Variants in LGSN observed in about 807,000 individuals in gnomAD.
The protein encoded by LGSN is lengsin.
LGSN carries 21 observed loss-of-function variants against 19.5 expected under a neutral mutation model. The ratio of observed to expected loss-of-function variants is 1.07; its 90% CI spans 0.76 to 1.55. The LOEUF is 1.55. Ranked by LOEUF, LGSN falls within the 40% of genes most tolerant of loss-of-function variation. LGSN has a pLI of 0.00. For synonymous variants in LGSN, 257 were observed against 215.6 expected, an observed-to-expected ratio of 1.19 and a Z score of -1.68; for missense variants, 673 against 608.5, an observed-to-expected ratio of 1.11 and a Z score of -1.12.
At chr6:63,429,960 C>A in the LGSN span, among the ~76,000 whole-genome samples, 13 of 152,168 alleles carry the variant, frequency 8.5e-5, no homozygotes, top group Non-Finnish European at 1.9e-4. Context: ...GGGAACTGTT[C>A]ATCCATACCT....
the LGSN span, among the ~76,000 whole-genome samples, chr6:63,497,935 T>TTTTTTTTTTTA: frequency 1.3e-5 from 2 of 150,014 alleles, no homozygotes; most frequent in African/African-American, 2.5e-5. Context: ...TTTTTTTTCT[T>TTTTTTTTTTTA]GAGACAGAGT....
At chr6:63,423,343 C>CA in the LGSN span, among the ~76,000 whole-genome samples, 3 of 151,654 alleles carry the variant, frequency 2.0e-5, no homozygotes, top group South Asian at 6.2e-4. Context: ...GACCATGTCT[C>CA]AAAAAAATAA....
the LGSN span, among the ~76,000 whole-genome samples, chr6:63,427,915 A>T: frequency 1.9e-4 from 8 of 41,460 alleles, no homozygotes; most frequent in East Asian, 1.7e-3. Flanking sequence ...TATTGATTTA[A>T]AAAAAAATCT....
At chr6:63,420,100 G>A in the LGSN span, among the ~76,000 whole-genome samples, 1 of 151,434 alleles carries the variant, frequency 6.6e-6, no homozygotes, top group African/African-American at 2.4e-5. Context: ...CTACTCTGGA[G>A]GCTGAGGCAG....
chr6:63,443,036 C>A, the LGSN span, among the ~76,000 whole-genome samples: 1 of 152,184 alleles, frequency 6.6e-6, no homozygotes. Context: ...CATGTGGGAG[C>A]CCACCGCGTG....
At chr6:63,406,575 G>A in the LGSN span, among the ~76,000 whole-genome samples, 1 of 150,102 alleles carries the variant, frequency 6.7e-6, no homozygotes, top group South Asian at 2.1e-4. Flanking sequence ...AGAGAAAGCA[G>A]GAAAGATCCA....
At chr6:63,543,815 C>T in the LGSN span, among the ~76,000 whole-genome samples, 3 of 152,216 alleles carry the variant, frequency 2.0e-5, no homozygotes, top group African/African-American at 7.2e-5. Context: ...TTCTACCCAG[C>T]TCACAGTGTA....
At chr6:63,293,649 C>T (rs1241012939) in intron 2 of LGSN, 1 of 437,970 alleles carries the variant, frequency 2.3e-6, no homozygotes, top group Non-Finnish European at 4.6e-6. Flanking sequence ...TTCCAGAATC[C>T]TTACCAGTAA....
the LGSN span, among the ~76,000 whole-genome samples, chr6:63,468,061 C>T: frequency 6.6e-6 from 1 of 152,172 alleles, no homozygotes; most frequent in Non-Finnish European, 1.5e-5. Context: ...GAATTCAATA[C>T]ATGACTTTTT....
In LGSN at chr6:63,312,845, A is replaced by G. The variant is rs182475368; in HGVS notation, c.30+7069T>C. 1.1e-3 allele frequency among the ~76,000 whole-genome samples: 169 copies of G among 152,274 alleles called. 2 individuals carry two copies. Among genetic ancestry groups the G allele is most frequent in the African/African-American group, 3.7e-3 (155 of 41,572 alleles). ...GCTTGGTAACTAGCTGGATATAGGA[A>G]GTGTCAGAGACAGAGGAATGAAAAA... On this transcript the variant is annotated intron_variant, in intron 1 of 3. Transcript: ENST00000370657.
At chr6:63,404,261 A>T in the LGSN span, among the ~76,000 whole-genome samples, 2 of 152,214 alleles carry the variant, frequency 1.3e-5, no homozygotes, top group Non-Finnish European at 2.9e-5. Context: ...TGTACAACTT[A>T]AAATACAATC....
chr6:63,430,281 C>A, the LGSN span, among the ~76,000 whole-genome samples: 1 of 152,172 alleles, frequency 6.6e-6, no homozygotes, highest in African/African-American at 2.4e-5. Flanking sequence ...AACATTCCAT[C>A]TCTTGCTTTG....
chr6:63,484,196 TA>T, the LGSN span, among the ~76,000 whole-genome samples: 1 of 151,540 alleles, frequency 6.6e-6, no homozygotes, highest in Admixed American at 6.6e-5. Context: ...CAATCCATCC[TA>T]AAATAAATAG....
chr6:63,570,059 C>T, the LGSN span, among the ~76,000 whole-genome samples: 1 of 152,222 alleles, frequency 6.6e-6, no homozygotes, highest in Admixed American at 6.5e-5. Context: ...GTCAGCAAGA[C>T]CACACTTATA....
chr6:63,453,805 C>T, the LGSN span, among the ~76,000 whole-genome samples: 5 of 152,122 alleles, frequency 3.3e-5, no homozygotes, highest in East Asian at 1.9e-4. Flanking sequence ...AGGCGCCCGC[C>T]ACCACGCCCG....
At chr6:63,511,674 G>A in the LGSN span, among the ~76,000 whole-genome samples, 26 of 152,210 alleles carry the variant, frequency 1.7e-4, no homozygotes, top group African/African-American at 6.0e-4. Flanking sequence ...CAAATCTAAC[G>A]TATTAAAATT....
In LGSN at chr6:63,280,377, T is replaced by C. The variant is rs1268350198; in HGVS notation, c.1174A>G (p.Ile392Val). ...TTWGYNDNSC[I>V]FNIKCHGEKG... ...TCTCCATGACATTTGATATTAAATA[T>C]ACAGCTGTTGTCATTGTATCCCCAT... The change falls in exon 4 of 4, where the codon ATA (isoleucine) becomes GTA (valine). Residue 392 changes from isoleucine (I) to valine (V), a missense_variant. Physicochemically the swap from Ile to Val is conservative, Grantham distance 29. Coordinates refer to ENST00000370657, the MANE Select transcript of LGSN (RefSeq NM_016571.3). 5.0e-6 allele frequency: 8 copies of C among 1,614,086 alleles called. No individual in the cohort carries two copies. Among genetic ancestry groups the C allele is most frequent in the East Asian group, 4.5e-5 (2 of 44,900 alleles).
chr6:63,495,515 G>C, the LGSN span, among the ~76,000 whole-genome samples: 2 of 138,822 alleles, frequency 1.4e-5, no homozygotes, highest in African/African-American at 2.9e-5. Context: ...CTGGAGTGCA[G>C]TGGTGAGATC....
chr6:63,311,848 C>A (rs1184098075), intron 1 of LGSN, among the ~76,000 whole-genome samples: 1 of 152,158 alleles, frequency 6.6e-6, no homozygotes, highest in Non-Finnish European at 1.5e-5. Context: ...AACTACTCTT[C>A]TTTCTAAATA....
Sources: gnomAD v4.1 joint callset for allele counts (sites outside exome capture counted in the v4.1 genomes callset) on GRCh38, gnomAD v4.1.1 for gene constraint, MANE v1.5 for transcripts, NCBI Gene and HGNC (gene_info 2026-07-23, HGNC 2026-07-21) for gene names.